PNPLA7: variants seen among roughly 807,000 people sequenced by gnomAD.
The protein encoded by PNPLA7 is patatin like domain 7, lysophospholipase, also known as patatin-like phospholipase domain-containing protein 7.
In PNPLA7, 153 loss-of-function variants were observed where a neutral mutation model predicts 161.7. The ratio of observed to expected loss-of-function variants is 0.95; its 90% CI spans 0.83 to 1.08. The LOEUF (loss-of-function observed/expected upper bound fraction) is 1.08, where lower values mean the gene tolerates loss of function less well. Among genes scored for constraint, PNPLA7 ranks in the 50% least tolerant of loss-of-function variants. The pLI, the probability that PNPLA7 is intolerant of heterozygous loss-of-function variation, is 0.00. For missense variants in PNPLA7, 1,739 were observed against 1,856.6 expected (o/e 0.94, Z 1.16); for synonymous variants, 809 against 782.1 (o/e 1.03, Z -0.57).
intron 8 of PNPLA7, among the ~76,000 whole-genome samples, chr9:137,539,329 C>T (rs932823185): frequency 2.0e-5 from 3 of 151,978 alleles, no homozygotes; most frequent in Admixed American, 6.6e-5. Context: ...GGCAACAGAG[C>T]GAGACTCCAT....
At chr9:137,484,494 C>T (rs1296389082) in intron 21 of PNPLA7, 93 bp downstream of exon 21, 2 of 1,385,380 alleles carry the variant, frequency 1.4e-6, no homozygotes, top group South Asian at 1.6e-5. Context: ...CCACCCACCG[C>T]CGCGTCCCCT....
At position 137,464,333 on chromosome 9, in the gene PNPLA7, G is replaced by C. The variant is rs751937640; in HGVS notation, c.3156+7C>G. 5.0e-6 allele frequency: 8 copies of C among 1,612,386 alleles called. No homozygotes were observed. The highest frequency in any genetic ancestry group is 5.9e-6 in the Non-Finnish European group (7 of 1,178,886). ...GGCTGCATGGGCTCCTGAGGGTGGG[G>C]GTGCACCTCGATCTGCTGGTCCTTG... On this transcript the variant is annotated splice_region_variant and intron_variant, in intron 27 of 34. Coordinates refer to ENST00000406427, the MANE Select transcript of PNPLA7 (RefSeq NM_001098537.3).
Position 137,505,749 on chromosome 9 carries a change from G to A in PNPLA7, c.1338C>T (p.Ser446=), listed in dbSNP as rs781579958. The change falls in exon 14 of 35, where the codon AGC becomes AGT. Residue 446 remains serine (S), a synonymous_variant. Transcript: ENST00000406427. ...GSSVASKSRK[S]VMVAEIPSTV... is the part of the protein sequence containing the mutation. ...TGGAGGGTATCTCTGCAACCATCAC[G>A]CTTTTCCTGGACTGGAGAAGAACGG... The A allele has an allele frequency of 1.5e-5, 25 of 1,613,842 alleles. No homozygotes were observed. The highest frequency in any genetic ancestry group is 1.5e-5 in the Non-Finnish European group (18 of 1,179,950).
chr9:137,513,679 AG>A (rs1423205528), intron 12 of PNPLA7, among the ~76,000 whole-genome samples: 3 of 152,158 alleles, frequency 2.0e-5, no homozygotes, highest in Non-Finnish European at 4.4e-5. Flanking sequence ...CATGGACAAG[AG>A]GGAAGAGAAT....
chr9:137,498,208 C>A lies in PNPLA7; in HGVS notation c.1795G>T (p.Ala599Ser). Residue 599 changes from alanine to serine, a missense_variant, in exon 17 of 35, where the codon GCG becomes TCG. Ala to Ser is a moderately conservative substitution (Grantham distance 99). This residue lies in a region of PNPLA7 where 481 missense variants were observed against 450.0 expected (regional missense o/e 1.07). Transcript: ENST00000406427. ...RKQPTVVLGV[A>S]HTVVKRMSSF... ...GACATCCTCTTCACCACAGTGTGCGCCACACCCAGGACGACGGTCGGCTGC... is the reference window on the plus strand; with the variant it reads ...GACATCCTCTTCACCACAGTGTGCGACACACCCAGGACGACGGTCGGCTGC... The A allele has an allele frequency of 3.1e-6, 5 of 1,612,642 alleles. No homozygotes were observed. The highest frequency in any genetic ancestry group is 4.2e-6 in the Non-Finnish European group (5 of 1,179,982).
chr9:137,469,431 C>T (rs1169029260), intron 25 of PNPLA7, among the ~76,000 whole-genome samples: 1 of 152,114 alleles, frequency 6.6e-6, no homozygotes, highest in East Asian at 1.9e-4. Flanking sequence ...AGACATCAGG[C>T]CTCAGAATCA....
At chr9:137,503,450 G>C (rs1833615282) in intron 14 of PNPLA7, among the ~76,000 whole-genome samples, 1 of 132,632 alleles carries the variant, frequency 7.5e-6, no homozygotes, top group South Asian at 2.7e-4. Flanking sequence ...GGGGGAAGGA[G>C]AAGGAGGAGG....
At chr9:137,505,815 C>T in intron 13 of PNPLA7, 55 bp from the exon 14 acceptor site, 2 of 1,602,836 alleles carry the variant, frequency 1.2e-6, no homozygotes, top group Non-Finnish European at 1.7e-6. Flanking sequence ...GGGAACATCG[C>T]ACAAGGGTGT....
intron 20 of PNPLA7, among the ~76,000 whole-genome samples, chr9:137,485,008 C>T (rs1413645790): frequency 3.3e-5 from 5 of 152,212 alleles, no homozygotes; most frequent in Admixed American, 1.3e-4. Context: ...CCTCCCCCAA[C>T]CCTCAGAGGC....
At chr9:137,477,961 C>G in intron 25 of PNPLA7, 73 bp downstream of exon 25, 1 of 1,197,724 alleles carries the variant, frequency 8.3e-7, no homozygotes, top group Non-Finnish European at 1.1e-6. Context: ...GCACCCAGCA[C>G]CTCCTAGCAC....
chr9:137,526,665 G>T (rs537008308), intron 8 of PNPLA7, among the ~76,000 whole-genome samples: 59 of 152,238 alleles, frequency 3.9e-4, no homozygotes, highest in African/African-American at 1.3e-3. Context: ...GTAACCAGTT[G>T]GTCACAAGTG....
intron 21 of PNPLA7, among the ~76,000 whole-genome samples, chr9:137,483,559 A>G (rs1832328825): frequency 6.6e-6 from 1 of 152,078 alleles, no homozygotes; most frequent in Non-Finnish European, 1.5e-5. Context: ...GGTTCAAGCG[A>G]TTCTCCTGCC....
chr9:137,501,409 C>T lies in PNPLA7; in HGVS notation c.1551+241G>A, dbSNP rs57182566. On this transcript the variant is annotated intron_variant, in intron 15 of 34. Transcript: ENST00000406427. ...ATGACCTCTTCCCAATCTGCTTGCC[C>T]GGCCCACTCTCAGGTGCGAGCAGAA... Among the ~76,000 whole-genome samples, 636 of 152,330 alleles carry T rather than the reference C, an allele frequency of 4.2e-3. 1 individual carries two copies. The highest frequency in any genetic ancestry group is 0.014 in the Middle Eastern group (4 of 294).
chr9:137,477,865 C>T (rs1323233013), intron 25 of PNPLA7, among the ~76,000 whole-genome samples, 169 bp downstream of exon 25: 1 of 152,218 alleles, frequency 6.6e-6, no homozygotes, highest in African/African-American at 2.4e-5. Context: ...GTCTGCAGGG[C>T]CTGCTCAGAG....
rs1172307944 is a variant in PNPLA7 at position 137,486,619 on chromosome 9, C to T, written c.2198-1883G>A. On this transcript the variant is annotated intron_variant, in intron 20 of 34. Coordinates refer to ENST00000406427, the MANE Select transcript of PNPLA7 (RefSeq NM_001098537.3). The surrounding 1 kb of genome is among the most constrained non-coding windows in gnomAD (Gnocchi z 6.0). Reference sequence around the variant, plus strand: ...CTCCCTCGGACTCGGCCCCCACCTCCGGCCCCAGGCTCCTACCCGACCCAC... The same window carrying T: ...CTCCCTCGGACTCGGCCCCCACCTCTGGCCCCAGGCTCCTACCCGACCCAC... Among the ~76,000 whole-genome samples the T allele has an allele frequency of 5.3e-5, 8 of 152,152 alleles. No homozygotes were observed. The East Asian group carries it at 7.7e-4, about 15-fold the overall frequency.
At position 137,523,663 on chromosome 9, in the gene PNPLA7, G is replaced by A. The variant is rs1835150765; in HGVS notation, c.748-806C>T. 6.8e-6 allele frequency among the ~76,000 whole-genome samples: 1 copy of A among 147,138 alleles called. No individual in the cohort carries two copies. The highest frequency in any genetic ancestry group is 1.5e-5 in the Non-Finnish European group (1 of 67,014). On this transcript the variant is annotated intron_variant, in intron 8 of 34. Coordinates refer to ENST00000406427, the MANE Select transcript of PNPLA7 (RefSeq NM_001098537.3). The surrounding 1 kb of genome is among the most constrained non-coding windows in gnomAD (Gnocchi z 4.4). ...TTTTTTTGAGACAGAGTCTCGTTCT[G>A]TCGTCCAGGCTGGAGTGCAATGGCG...
chr9:137,461,456 TG>T (rs1831191031), intron 33 of PNPLA7, 79 bp downstream of exon 33: 1 of 1,084,560 alleles, frequency 9.2e-7, no homozygotes, highest in Non-Finnish European at 1.2e-6. Context: ...CGTGGGCCTC[TG>T]GGGTGGGGGG....
At chr9:137,463,991 T>C in intron 28 of PNPLA7, 135 bp downstream of exon 28, 1 of 1,007,662 alleles carries the variant, frequency 9.9e-7, no homozygotes, top group South Asian at 1.6e-5. Context: ...TCCTGTGTCC[T>C]CCATGGACAA....
chr9:137,517,563 G>T (rs1370007000), intron 11 of PNPLA7, among the ~76,000 whole-genome samples: 1 of 90,116 alleles, frequency 1.1e-5, no homozygotes, highest in African/African-American at 4.0e-5. Context: ...ACTCCACTCT[G>T]TCCACTCCAT....
Sources: gnomAD v4.1 joint callset for allele counts (sites outside exome capture counted in the v4.1 genomes callset) on GRCh38, gnomAD v4.1.1 for gene constraint, gnomAD v4.1.1 regional missense constraint, Gnocchi (gnomAD v3.1) non-coding constraint, MANE v1.5 for transcripts, NCBI Gene and HGNC (gene_info 2026-07-23, HGNC 2026-07-21) for gene names.